Variants in TFEC observed in about 807,000 individuals in gnomAD.
TFEC encodes class E basic helix-loop-helix protein 34.
Under a neutral mutation model 41.6 loss-of-function variants are expected in TFEC, and 31 were observed. The observed-to-expected ratio is 0.74, with a 90% CI of 0.56 to 1.01. The LOEUF (loss-of-function observed/expected upper bound fraction) is 1.01, where lower values mean the gene tolerates loss of function less well. Among genes scored for constraint, TFEC ranks in the 50% least tolerant of loss-of-function variants. The pLI is 0.00. For missense variants in TFEC, 402 were observed against 404.1 expected (o/e 0.99, Z 0.04); for synonymous variants, 143 against 140.6 (o/e 1.02, Z -0.12).
intron 1 of TFEC, among the ~76,000 whole-genome samples, chr7:116,025,630 T>C (rs1374856156): frequency 6.6e-6 from 1 of 152,126 alleles, no homozygotes; most frequent in African/African-American, 2.4e-5. Flanking sequence ...TAGTCACATG[T>C]CAAGTTGGTA....
Position 116,027,337 on chromosome 7 carries a change from G to A in TFEC, c.-73+3296C>T, listed in dbSNP as rs147156401. On this transcript the variant is annotated intron_variant, in intron 1 of 7. Transcript: ENST00000265440. ...GTGGTTGCTCATGCCTGTAATCCCA[G>A]CATTTTGAGAGGCTGAGGCAACCAC... is the stretch of plus-strand genomic sequence containing the variant. 4.4e-3 allele frequency among the ~76,000 whole-genome samples: 677 copies of A among 152,212 alleles called. 6 individuals carry two copies. Among genetic ancestry groups the A allele is most frequent in the African/African-American group, 0.016 (659 of 41,540 alleles).
chr7:115,942,061 C>A (rs779504410), intron 6 of TFEC, 21 bp from the exon 7 acceptor site: 15 of 1,591,488 alleles, frequency 9.4e-6, no homozygotes, highest in East Asian at 6.8e-5. Flanking sequence ...GAGAGATAAC[C>A]TTTTCACAAT....
At chr7:115,941,694 G>T (rs1228085536) in intron 7 of TFEC, 199 bp downstream of exon 7, 2 of 607,916 alleles carry the variant, frequency 3.3e-6, no homozygotes, top group Non-Finnish European at 2.8e-6. Context: ...TACATATTCA[G>T]CCATCTTGAT....
intron 1 of TFEC, among the ~76,000 whole-genome samples, chr7:115,987,718 A>G (rs1793920886): frequency 6.6e-6 from 1 of 152,128 alleles, no homozygotes; most frequent in African/African-American, 2.4e-5. Context: ...CCAGAGAATG[A>G]CAGACAGCAG....
intron 1 of TFEC, among the ~76,000 whole-genome samples, chr7:115,989,693 T>G (rs1794019845): frequency 6.6e-6 from 1 of 152,186 alleles, no homozygotes; most frequent in South Asian, 2.1e-4. Flanking sequence ...CCACCATTAC[T>G]GAGGCTTGAC....
intron 6 of TFEC, among the ~76,000 whole-genome samples, chr7:115,950,265 G>C (rs1345986871): frequency 1.3e-5 from 2 of 151,974 alleles, no homozygotes; most frequent in Non-Finnish European, 2.9e-5. Flanking sequence ...GCCTGCCTTG[G>C]CCTCCCAAAG....
chr7:116,040,306 C>G (rs1796005356), intron 3 of TFEC, among the ~76,000 whole-genome samples: 1 of 152,066 alleles, frequency 6.6e-6, no homozygotes, highest in African/African-American at 2.4e-5. Context: ...AACACTTGTT[C>G]TTATTTCCTA....
At chr7:116,069,544 A>T (rs1177488670) in intron 3 of TFEC, among the ~76,000 whole-genome samples, 4 of 151,736 alleles carry the variant, frequency 2.6e-5, no homozygotes, top group Non-Finnish European at 5.9e-5. Context: ...TGAACAATGT[A>T]ATAGTGATGT....
intron 3 of TFEC, among the ~76,000 whole-genome samples, chr7:116,089,077 C>T (rs1166137670): frequency 6.6e-6 from 1 of 152,122 alleles, no homozygotes; most frequent in South Asian, 2.1e-4. Flanking sequence ...GCCACTGTTT[C>T]ATTATTACTT....
chr7:115,957,125 T>C (rs1172131009), intron 3 of TFEC, among the ~76,000 whole-genome samples: 1 of 151,948 alleles, frequency 6.6e-6, no homozygotes, highest in East Asian at 1.9e-4. Context: ...TGGATGTAAT[T>C]AAAAATATTA....
chr7:115,957,384 T>C (rs1006733943), intron 3 of TFEC, among the ~76,000 whole-genome samples: 1 of 151,832 alleles, frequency 6.6e-6, no homozygotes, highest in Admixed American at 6.6e-5. Context: ...TAACCAAAAG[T>C]AGTCTAAAAC....
chr7:115,958,250 T>C (rs1792342266), intron 3 of TFEC, among the ~76,000 whole-genome samples: 2 of 151,860 alleles, frequency 1.3e-5, no homozygotes, highest in African/African-American at 4.8e-5. Context: ...TGTGTTAGTA[T>C]CAAATAAATA....
intron 1 of TFEC, among the ~76,000 whole-genome samples, chr7:116,135,971 G>T (rs1172744521): frequency 6.6e-6 from 1 of 152,088 alleles, no homozygotes; most frequent in African/African-American, 2.4e-5. Flanking sequence ...GCAAAGACTA[G>T]TTCCTCACAG....
intron 3 of TFEC, among the ~76,000 whole-genome samples, chr7:116,063,060 A>G (rs1268356357): frequency 6.6e-6 from 1 of 152,206 alleles, no homozygotes; most frequent in East Asian, 1.9e-4. Flanking sequence ...CCATCAGTAG[A>G]TTTATCAATA....
intron 1 of TFEC, among the ~76,000 whole-genome samples, chr7:115,999,024 A>G (rs1173912109): frequency 6.6e-6 from 1 of 152,020 alleles, no homozygotes; most frequent in East Asian, 1.9e-4. Flanking sequence ...AATGGCTACA[A>G]TATACACATT....
intron 1 of TFEC, among the ~76,000 whole-genome samples, chr7:116,001,445 A>T (rs1185769906): frequency 4.6e-5 from 7 of 151,648 alleles, no homozygotes; most frequent in Non-Finnish European, 1.0e-4. Flanking sequence ...CAGTGAGCCG[A>T]GATCATGCCA....
chr7:116,110,641 CAG>C, intron 3 of TFEC: 2 of 1,102,630 alleles, frequency 1.8e-6, no homozygotes, highest in Non-Finnish European at 2.4e-6. Context: ...TTAAAACAGA[CAG>C]ATTTTCAGAG....
In TFEC at chr7:115,941,666, T is replaced by C. The variant is rs1051167130; in HGVS notation, c.663+227A>G. On this transcript the variant is annotated intron_variant, in intron 7 of 7. Transcript: ENST00000265440. ...ACACATATATACACATATATGTGTA[T>C]ATACATATATACATATATACATATT... 4 of 541,338 alleles carry C rather than the reference T, an allele frequency of 7.4e-6. No homozygotes were observed. In the South Asian group the frequency reaches 1.2e-4, roughly 16 times the overall value. 33.5% of individuals were successfully genotyped at this position (541,338 alleles called of 1,614,324 possible).
At position 116,139,527 on chromosome 7, in the gene TFEC, C is replaced by T. The variant is rs1162774838; in HGVS notation, c.-69+20263G>A. Among the ~76,000 whole-genome samples the T allele has an allele frequency of 2.0e-5, 3 of 152,180 alleles. No individual in the cohort carries two copies. The East Asian group carries it at 5.8e-4, about 29-fold the overall frequency. The stretch of plus-strand genomic sequence containing the variant: ...TTATTGTTATTATTTATTGAGTGTG[C>T]CAAGAATGGAGGTAATGTAAAACAA... On this transcript the variant is annotated intron_variant, in intron 1 of 8. Coordinates refer to the TFEC transcript ENST00000484212.
Sources: gnomAD v4.1 joint callset for allele counts (sites outside exome capture counted in the v4.1 genomes callset) on GRCh38, gnomAD v4.1.1 for gene constraint, MANE v1.5 for transcripts, NCBI Gene and HGNC (gene_info 2026-07-23, HGNC 2026-07-21) for gene names.